Variants in ASTN2 observed in about 807,000 individuals in gnomAD.
ASTN2 encodes the protein astrotactin-2.
A neutral mutation model predicts 139.8 loss-of-function variants in ASTN2; 54 were observed. The observed-to-expected ratio is 0.39, with a 90% CI of 0.31 to 0.48. The LOEUF (loss-of-function observed/expected upper bound fraction) is 0.48, where lower values mean the gene tolerates loss of function less well. Among genes scored for constraint, ASTN2 ranks in the 20% least tolerant of loss-of-function variants. The pLI is 0.95. For synonymous variants in ASTN2, 756 were observed against 719.5 expected, an observed-to-expected ratio of 1.05 and a Z score of -0.81; for missense variants, 1,565 against 1,725.1, an observed-to-expected ratio of 0.91 and a Z score of 1.64.
intron 5 of ASTN2, 75 bp downstream of exon 5, chr9:117,095,969 A>G (rs1281771453): frequency 2.2e-6 from 3 of 1,371,202 alleles, no homozygotes; most frequent in Admixed American, 1.7e-5. Context: ...AGGATTTGCT[A>G]GTGAACACAA....
intron 1 of ASTN2, among the ~76,000 whole-genome samples, chr9:117,342,980 C>T (rs1000666069): frequency 1.3e-5 from 2 of 152,116 alleles, no homozygotes; most frequent in Admixed American, 6.5e-5. Context: ...GGTTGGATAG[C>T]TTTTTCCTGA....
chr9:116,807,100 G>C (rs1317653550), intron 12 of ASTN2, among the ~76,000 whole-genome samples: 1 of 152,196 alleles, frequency 6.6e-6, no homozygotes, highest in East Asian at 1.9e-4. Flanking sequence ...TGCACAAAAT[G>C]ACCCTGGTTG....
chr9:116,958,571 A>G (rs1479507335), intron 10 of ASTN2, among the ~76,000 whole-genome samples: 1 of 152,128 alleles, frequency 6.6e-6, no homozygotes, highest in Non-Finnish European at 1.5e-5. Context: ...CCTGGGCGAC[A>G]AAGCTGGACT....
intron 20 of ASTN2, among the ~76,000 whole-genome samples, chr9:116,463,306 T>C (rs1295267576): frequency 6.6e-6 from 1 of 152,182 alleles, no homozygotes; most frequent in Non-Finnish European, 1.5e-5. Flanking sequence ...GGTTATCCAG[T>C]GCTGTCCTAC....
rs573758411 is a variant in ASTN2 at position 117,262,396 on chromosome 9, T to C, written c.630+28930A>G. Among the ~76,000 whole-genome samples, 3 of 98,468 alleles carry C rather than the reference T, an allele frequency of 3.0e-5. No individual in the cohort carries two copies. In the Admixed American group the frequency reaches 3.7e-4, roughly 12 times the overall value. 64.6% of individuals were successfully genotyped at this position (98,468 alleles called of 152,430 possible). ...CACTGTGGTTGATATTCTGTTTCTT[T>C]TTTTATTTATTTATTTATTTATTTT... is the stretch of plus-strand genomic sequence containing the variant. On this transcript the variant is annotated intron_variant, in intron 2 of 22. Coordinates refer to ENST00000313400, the MANE Select transcript of ASTN2 (RefSeq NM_001365068.1).
At chr9:116,686,587 T>A (rs1265804646) in intron 16 of ASTN2, 1 of 1,118,606 alleles carries the variant, frequency 8.9e-7, no homozygotes, top group Non-Finnish European at 1.3e-6. Flanking sequence ...CCTTGCCAGA[T>A]GCCTAGTGCC....
chr9:117,149,168 T>C (rs1001309830), intron 3 of ASTN2, among the ~76,000 whole-genome samples: 28 of 152,024 alleles, frequency 1.8e-4, no homozygotes, highest in African/African-American at 6.8e-4. Flanking sequence ...TATAGGCATG[T>C]ACCACCATGT....
rs576102414 is a variant in ASTN2, at chr9:116,587,470, C to A, written c.3355+30854G>T. Among the ~76,000 whole-genome samples, 7 of 151,840 alleles carry A rather than the reference C, an allele frequency of 4.6e-5. 1 individual carries two copies. In the South Asian group the frequency reaches 1.5e-3, roughly 32 times the overall value. On this transcript the variant is annotated intron_variant, in intron 19 of 22. Coordinates refer to ENST00000313400, the MANE Select transcript of ASTN2 (RefSeq NM_001365068.1). ...ATCTTGGTATGGACTCAGGGTTAGACAACCTATGGTCACTTCTGCTGGTAG... is the reference window on the plus strand; with the variant it reads ...ATCTTGGTATGGACTCAGGGTTAGAAAACCTATGGTCACTTCTGCTGGTAG...
Position 116,423,628 on chromosome 9 carries a change from G to T in ASTN2, c.*2223C>A, listed in dbSNP as rs777154439. Among the ~76,000 whole-genome samples, 1 of 152,176 alleles carries T rather than the reference G, an allele frequency of 6.6e-6. No individual in the cohort carries two copies. Among genetic ancestry groups the T allele is most frequent in the Admixed American group, 6.5e-5 (1 of 15,280 alleles). On this transcript the variant is annotated 3_prime_UTR_variant, in exon 23 of 23. Transcript: ENST00000313400. ...TGGTATACATGAGAGGCATTTAGAA[G>T]CTCCACCTGTATACTTAGAGAAACA... is the stretch of plus-strand genomic sequence containing the variant.
chr9:117,110,645 T>C (rs1829227063), intron 4 of ASTN2, among the ~76,000 whole-genome samples: 1 of 152,092 alleles, frequency 6.6e-6, no homozygotes, highest in South Asian at 2.1e-4. Context: ...CTGGACAAAA[T>C]GCCAAAAATA....
chr9:116,549,270 A>C (rs1013713970), intron 19 of ASTN2, among the ~76,000 whole-genome samples: 9 of 152,068 alleles, frequency 5.9e-5, no homozygotes, highest in South Asian at 2.1e-4. Context: ...AAAAAAAAAA[A>C]CAGAAGGAAG....
chr9:117,173,980 C>CA (rs5900273), intron 3 of ASTN2, among the ~76,000 whole-genome samples: 85,831 of 150,612 alleles, frequency 0.57, 24,443 homozygotes, highest in East Asian at 0.69. Flanking sequence ...AAACCAAGAA[C>CA]AAAAAAAACA....
At chr9:116,851,585 G>A (rs1382039814) in intron 11 of ASTN2, among the ~76,000 whole-genome samples, 1 of 151,680 alleles carries the variant, frequency 6.6e-6, no homozygotes. Context: ...GCTATTTGGA[G>A]GTGACATGAC....
At chr9:117,110,610 C>T (rs1454862569) in intron 4 of ASTN2, among the ~76,000 whole-genome samples, 2 of 152,150 alleles carry the variant, frequency 1.3e-5, no homozygotes, top group East Asian at 1.9e-4. Context: ...CAGACCTATC[C>T]TTGTGCAGAT....
intron 16 of ASTN2, among the ~76,000 whole-genome samples, chr9:116,691,155 C>G (rs959992469): frequency 6.6e-6 from 1 of 152,128 alleles, no homozygotes; most frequent in African/African-American, 2.4e-5. Context: ...TTTGATAACC[C>G]TAAGTAGTCT....
chr9:116,705,556 G>T (rs943920077), intron 16 of ASTN2, among the ~76,000 whole-genome samples: 1 of 152,094 alleles, frequency 6.6e-6, no homozygotes, highest in African/African-American at 2.4e-5. Context: ...TATTGTGAAA[G>T]AATATCAAAA....
At chr9:116,597,205 T>G (rs1854620707) in intron 19 of ASTN2, among the ~76,000 whole-genome samples, 1 of 151,182 alleles carries the variant, frequency 6.6e-6, no homozygotes, top group African/African-American at 2.4e-5. Context: ...ATCAGGGCAG[T>G]GAGTGAACCC....
chr9:117,261,661 TATCTCCTCCACC>T (rs764875601), intron 2 of ASTN2, among the ~76,000 whole-genome samples: 87 of 152,324 alleles, frequency 5.7e-4, no homozygotes, highest in Non-Finnish European at 1.0e-3. Flanking sequence ...CTCTGCTTTC[TATCTCCTCCACC>T]ATCTGTAGCC....
At chr9:116,959,620 C>T (rs1234298764) in intron 10 of ASTN2, among the ~76,000 whole-genome samples, 2 of 152,048 alleles carry the variant, frequency 1.3e-5, no homozygotes, top group African/African-American at 2.4e-5. Flanking sequence ...CACATGCAGA[C>T]GCTCAACACT....
Sources: gnomAD v4.1 joint callset for allele counts (sites outside exome capture counted in the v4.1 genomes callset) on GRCh38, gnomAD v4.1.1 for gene constraint, MANE v1.5 for transcripts, NCBI Gene and HGNC (gene_info 2026-07-23, HGNC 2026-07-21) for gene names.